Variants in SPECC1L observed in about 807,000 individuals in gnomAD.
SPECC1L encodes cytospin-A.
SPECC1L carries 40 observed loss-of-function variants against 116.8 expected under a neutral mutation model. That is an observed-to-expected ratio of 0.34 (90% CI 0.27 to 0.45). The LOEUF is 0.45. Among genes scored for constraint, SPECC1L ranks in the 20% least tolerant of loss-of-function variants. The pLI, the probability that SPECC1L is intolerant of heterozygous loss-of-function variation, is 1.00. For missense variants in SPECC1L, 1,110 were observed against 1,373.6 expected (o/e 0.81, Z 3.03); for synonymous variants, 504 against 500.6 (o/e 1.01, Z -0.09).
At chr22:24,328,066 A>G (rs1402368378) in intron 6 of SPECC1L, among the ~76,000 whole-genome samples, 1 of 152,264 alleles carries the variant, frequency 6.6e-6, no homozygotes, top group African/African-American at 2.4e-5. Context: ...AGCTATCAGC[A>G]TAGCACCCTC....
intron 14 of SPECC1L, among the ~76,000 whole-genome samples, chr22:24,399,207 C>T (rs1292199394): frequency 6.6e-6 from 1 of 152,170 alleles, no homozygotes; most frequent in Non-Finnish European, 1.5e-5. Context: ...ATCCCTAGCT[C>T]TTAGGGTGAC....
rs920826110 is a variant in SPECC1L at position 24,363,405 on chromosome 22, A to T, written c.2827+61A>T. 5 of 1,416,122 alleles carry T rather than the reference A, an allele frequency of 3.5e-6. No individual in the cohort carries two copies. The South Asian group carries it at 4.6e-5, about 13-fold the overall frequency. 87.7% of individuals were successfully genotyped at this position (1,416,122 alleles called of 1,614,324 possible). ...TGTTTTTTAGAGACAGGATCTCACT[A>T]TGTTGCCCAGGCTGATCTCAAACTC... On this transcript the variant is annotated intron_variant, in intron 12 of 16. Transcript: ENST00000314328.
chr22:24,342,120 A>G (rs1373008666), intron 10 of SPECC1L, among the ~76,000 whole-genome samples: 2 of 152,262 alleles, frequency 1.3e-5, no homozygotes, highest in Non-Finnish European at 2.9e-5. Context: ...TAGTGTACTT[A>G]TTTGCCAAAG....
intron 1 of SPECC1L, among the ~76,000 whole-genome samples, chr22:24,271,807 A>G (rs79835839): frequency 0.035 from 5,321 of 152,324 alleles, 190 homozygotes; most frequent in African/African-American, 0.087. Context: ...AGGGCGAGGA[A>G]AAGATTCCCG....
rs900530638 is a variant in SPECC1L, at chr22:24,386,627, G to A, written c.3087+17307G>A. 3.3e-5 allele frequency among the ~76,000 whole-genome samples: 5 copies of A among 151,738 alleles called. No homozygotes were observed. The South Asian group carries it at 6.3e-4, about 19-fold the overall frequency. On this transcript the variant is annotated intron_variant, in intron 14 of 16. Transcript: ENST00000314328. ...ATTATTATTATTATTATTTTGAGAC[G>A]GAGTCTTGCTCTGTCATCCAGGCTG...
intron 14 of SPECC1L, among the ~76,000 whole-genome samples, chr22:24,373,874 CAT>C (rs1375427455): frequency 4.6e-5 from 7 of 152,058 alleles, no homozygotes; most frequent in African/African-American, 1.4e-4. Flanking sequence ...GCAATCTACT[CAT>C]GTGACAAAGG....
chr22:24,312,392 A>G (rs1254175410), intron 3 of SPECC1L, among the ~76,000 whole-genome samples: 1 of 152,234 alleles, frequency 6.6e-6, no homozygotes, highest in Non-Finnish European at 1.5e-5. Context: ...TTAGTTACTT[A>G]TGAACTATCT....
Position 24,313,302 on chromosome 22 carries a change from G to A in SPECC1L, c.154-11G>A, listed in dbSNP as rs202242225. On this transcript the variant is annotated splice_polypyrimidine_tract_variant and intron_variant, in intron 3 of 16. Coordinates refer to ENST00000314328, the MANE Select transcript of SPECC1L (RefSeq NM_015330.6). ...TCTAGTAAATTTGTTTTTATTTTCT[G>A]TTGCTTCTAGACCAAGAGCAGTGAT... is the stretch of plus-strand genomic sequence containing the variant. 2.5e-6 allele frequency: 4 copies of A among 1,613,930 alleles called. No individual in the cohort carries two copies. In the Admixed American group the frequency reaches 5.0e-5, roughly 20 times the overall value.
In SPECC1L at chr22:24,322,315, G is replaced by A; in HGVS notation, c.1335G>A (p.Leu445=). 13 of 1,614,248 alleles carry A rather than the reference G, an allele frequency of 8.1e-6. No homozygotes were observed. Among genetic ancestry groups the A allele is most frequent in the Non-Finnish European group, 1.0e-5 (12 of 1,180,042 alleles). Residue 445 remains leucine, a synonymous_variant, in exon 5 of 17, where the codon CTG becomes CTA. Transcript: ENST00000314328. ...NERLGEEKVI[L]MESLCQQSDK... The stretch of plus-strand genomic sequence containing the variant: ...GGCTTGGAGAAGAGAAGGTTATTCT[G>A]ATGGAGTCTTTATGTCAGCAGAGCG...
intron 10 of SPECC1L, among the ~76,000 whole-genome samples, chr22:24,342,672 C>CAAAAAAA (rs35947804): frequency 2.0e-5 from 2 of 102,184 alleles, no homozygotes; most frequent in African/African-American, 7.2e-5. Context: ...GACTCCATCT[C>CAAAAAAA]AAAAAAAAAA....
intron 2 of SPECC1L, among the ~76,000 whole-genome samples, chr22:24,290,385 G>A (rs889386926): frequency 2.0e-5 from 3 of 152,172 alleles, no homozygotes; most frequent in South Asian, 4.1e-4. Flanking sequence ...AGTCATAACC[G>A]ATATCGTTGA....
chr22:24,383,746 C>T (rs1194850920), intron 14 of SPECC1L, among the ~76,000 whole-genome samples: 1 of 147,724 alleles, frequency 6.8e-6, no homozygotes, highest in Non-Finnish European at 1.5e-5. Context: ...AAGTGATGCT[C>T]CTGCCTTAAC....
intron 11 of SPECC1L, among the ~76,000 whole-genome samples, chr22:24,362,260 A>G (rs986356915): frequency 3.3e-5 from 5 of 152,092 alleles, no homozygotes; most frequent in African/African-American, 9.7e-5. Flanking sequence ...GCTGGCAGGG[A>G]AGCAGGTCCT....
In SPECC1L at chr22:24,324,497, G is replaced by A. The variant is rs560143239; in HGVS notation, c.2146+70G>A. ...AACATGCGGGGATAATTTGCATTTA[G>A]TAATAAAATAGGGCTGGGCACGGTG... On this transcript the variant is annotated intron_variant, in intron 6 of 16. Transcript: ENST00000314328. 6.3e-6 allele frequency: 9 copies of A among 1,425,034 alleles called. No individual in the cohort carries two copies. In the East Asian group the frequency reaches 1.9e-4, roughly 30 times the overall value. 88.3% of individuals were successfully genotyped at this position (1,425,034 alleles called of 1,614,324 possible). A position where few individuals can be genotyped will look rare whatever the true frequency, so the allele number is the denominator to read the frequency against.
At chr22:24,327,626 A>T (rs1004828971) in intron 6 of SPECC1L, among the ~76,000 whole-genome samples, 1 of 152,180 alleles carries the variant, frequency 6.6e-6, no homozygotes, top group Non-Finnish European at 1.5e-5. Flanking sequence ...ATAAATCGTT[A>T]AGTTCTGTCA....
chr22:24,307,158 G>A (rs574832828), intron 3 of SPECC1L, among the ~76,000 whole-genome samples: 1 of 152,106 alleles, frequency 6.6e-6, no homozygotes. Flanking sequence ...ATTTTGGGGG[G>A]GGTATATACC....
chr22:24,366,992 G>A (rs1262433891), intron 13 of SPECC1L, among the ~76,000 whole-genome samples: 14 of 152,130 alleles, frequency 9.2e-5, no homozygotes, highest in Admixed American at 7.2e-4. Flanking sequence ...TCAGCAGTTC[G>A]AGATCAGCCT....
At chr22:24,289,319 C>G (rs1040362244) in intron 2 of SPECC1L, among the ~76,000 whole-genome samples, 5 of 152,182 alleles carry the variant, frequency 3.3e-5, no homozygotes, top group East Asian at 1.9e-4. Context: ...GCCAGACATT[C>G]TTTTAGGCTG....
In SPECC1L at chr22:24,321,550, G is replaced by T; in HGVS notation, c.570G>T (p.Thr190=). 2 of 1,613,982 alleles carry T rather than the reference G, an allele frequency of 1.2e-6. No homozygotes were observed. Among genetic ancestry groups the T allele is most frequent in the Non-Finnish European group, 1.7e-6 (2 of 1,179,988 alleles). The change falls in exon 5 of 17, where the codon ACG becomes ACT. Residue 190 remains threonine (T), a synonymous_variant. Coordinates refer to ENST00000314328, the MANE Select transcript of SPECC1L (RefSeq NM_015330.6). ...ALEAKVKDLL[T]LAKTKDVEIL... ...AGGCCAAAGTGAAGGATCTTCTCAC[G>T]CTGGCAAAAACCAAAGACGTAGAAA...
Sources: allele counts gnomAD v4.1 joint callset (sites outside exome capture counted in the v4.1 genomes callset), GRCh38; gene constraint gnomAD v4.1.1; transcripts MANE v1.5; gene names NCBI Gene and HGNC (gene_info 2026-07-23, HGNC 2026-07-21).